The following MXI1 variants were observed in gnomAD, a reference collection of about 807,000 sequenced individuals.
The protein encoded by MXI1 is max-interacting protein 1.
A neutral mutation model predicts 36.9 loss-of-function variants in MXI1; 18 were observed. The observed-to-expected ratio is 0.49, with a 90% confidence interval of 0.34 to 0.72. MXI1 has a LOEUF of 0.72. Among genes scored for constraint, MXI1 ranks in the 30% least tolerant of loss-of-function variants. The probability of loss-of-function intolerance (pLI) is 0.01; values close to 1 mark genes in which losing one functional copy is unlikely to be tolerated. For synonymous variants in MXI1, 160 were observed against 146.7 expected, an observed-to-expected ratio of 1.09 and a Z score of -0.65; for missense variants, 304 against 379.1, an observed-to-expected ratio of 0.80 and a Z score of 1.64.
chr10:110,257,705 A>G (rs1177055825), intron 3 of MXI1: 1 of 190,246 alleles, frequency 5.3e-6, no homozygotes, highest in Non-Finnish European at 1.1e-5. Context: ...AAGGAAAATG[A>G]TCAGAAAAAT....
At chr10:110,277,714 A>G (rs1857084531) in intron 3 of MXI1, among the ~76,000 whole-genome samples, 1 of 152,218 alleles carries the variant, frequency 6.6e-6, no homozygotes, top group African/African-American at 2.4e-5. Context: ...ACTGAACTCA[A>G]TAAAGAAATT....
chr10:110,210,133 C>A, intron 1 of MXI1: 1 of 456,600 alleles, frequency 2.2e-6, no homozygotes, highest in Non-Finnish European at 2.9e-6. Flanking sequence ...AAGCAGAGAG[C>A]CGGGCGCGCC....
intron 2 of MXI1, among the ~76,000 whole-genome samples, chr10:110,236,537 C>G (rs757133534): frequency 6.6e-6 from 1 of 152,050 alleles, no homozygotes; most frequent in Non-Finnish European, 1.5e-5. Flanking sequence ...CCCACTGCAG[C>G]CTTAACCTTC....
chr10:110,217,040 C>G (rs1195694687), intron 1 of MXI1, among the ~76,000 whole-genome samples: 1 of 151,806 alleles, frequency 6.6e-6, no homozygotes, highest in Non-Finnish European at 1.5e-5. Context: ...ACTGCCTGAG[C>G]TTAGGAAACT....
At chr10:110,229,518 GA>G (rs1202082385) in intron 2 of MXI1, among the ~76,000 whole-genome samples, 12 of 152,156 alleles carry the variant, frequency 7.9e-5, no homozygotes, top group Non-Finnish European at 1.3e-4. Flanking sequence ...CATCACCGAG[GA>G]AAAACTAGGA....
intron 5 of MXI1, among the ~76,000 whole-genome samples, chr10:110,283,295 G>A (rs925148366): frequency 4.1e-5 from 6 of 147,098 alleles, no homozygotes; most frequent in East Asian, 2.0e-4. Flanking sequence ...AGAGTGTCTC[G>A]CTCTGTCGCC....
chr10:110,271,499 T>C (rs1856851630), intron 3 of MXI1, among the ~76,000 whole-genome samples: 1 of 152,094 alleles, frequency 6.6e-6, no homozygotes, highest in Non-Finnish European at 1.5e-5. Context: ...GAGGAAGGAG[T>C]ATGGCAAGGA....
chr10:110,268,982 A>G (rs1856772829), intron 3 of MXI1, among the ~76,000 whole-genome samples: 1 of 152,204 alleles, frequency 6.6e-6, no homozygotes, highest in African/African-American at 2.4e-5. Context: ...CTGGCCAACA[A>G]TTCCTCTTTG....
At chr10:110,227,997 T>C (rs113138616) in intron 1 of MXI1, 192 bp from the exon 2 acceptor site, 38,946 of 604,950 alleles carry the variant, frequency 0.064, 1,772 homozygotes, top group Middle Eastern at 0.14. Context: ...TCAAAACACC[T>C]TCCAGCTGGT....
intron 1 of MXI1, among the ~76,000 whole-genome samples, chr10:110,210,843 C>G (rs1854494220): frequency 6.6e-6 from 1 of 152,204 alleles, no homozygotes; most frequent in African/African-American, 2.4e-5. Context: ...GTCGTGCGTG[C>G]GCCCGGCTCG....
intron 1 of MXI1, among the ~76,000 whole-genome samples, chr10:110,212,878 C>T (rs924617329): frequency 1.3e-5 from 2 of 152,158 alleles, no homozygotes; most frequent in Non-Finnish European, 2.9e-5. Flanking sequence ...TTAGCTTTAC[C>T]TTTACAAGGA....
intron 3 of MXI1, among the ~76,000 whole-genome samples, chr10:110,270,744 A>G (rs1489532968): frequency 6.6e-6 from 1 of 152,066 alleles, no homozygotes; most frequent in Non-Finnish European, 1.5e-5. Context: ...ATACTTTGAT[A>G]AAGTCATTCT....
chr10:110,236,921 G>A (rs1041829631), intron 2 of MXI1, among the ~76,000 whole-genome samples: 1 of 151,998 alleles, frequency 6.6e-6, no homozygotes, highest in African/African-American at 2.4e-5. Flanking sequence ...TAATAGACAT[G>A]GTATGTCTAT....
chr10:110,240,163 C>G (rs145908721), intron 2 of MXI1, among the ~76,000 whole-genome samples: 1,641 of 152,048 alleles, frequency 0.011, 15 homozygotes, highest in South Asian at 0.028. Context: ...ACAATTTATC[C>G]ATTCTACTAT....
rs780324015 is a variant in MXI1 at position 110,208,081 on chromosome 10, A to C, written c.273A>C (p.Lys91Asn). The C allele has an allele frequency of 6.3e-7, 1 of 1,584,244 alleles. No homozygotes were observed. The highest frequency in any genetic ancestry group is 2.4e-5 in the East Asian group (1 of 41,190). The change falls in exon 1 of 6, where the codon AAA (lysine) becomes AAC (asparagine). Residue 91 changes from lysine to asparagine, a missense_variant and splice_region_variant. Physicochemically the swap from Lys to Asn is moderately conservative, Grantham distance 94 (BLOSUM62 0). Coordinates refer to ENST00000332674, the MANE Select transcript of MXI1 (RefSeq NM_130439.3). ...TGGAGCAGATCGAGAAAGAAAACAA[A>C]AGTAAGTTTGGGGGCCCCTGCTCTT... ...SYLEQIEKEN[K>N]KCEHGYASSF...
At chr10:110,256,091 C>T (rs556156029) in intron 3 of MXI1, among the ~76,000 whole-genome samples, 77 of 152,302 alleles carry the variant, frequency 5.1e-4, no homozygotes, top group Non-Finnish European at 6.5e-4. Flanking sequence ...GCGGACACAA[C>T]TGGATACCTA....
chr10:110,214,343 T>C (rs1269205263), intron 1 of MXI1, among the ~76,000 whole-genome samples: 1 of 152,166 alleles, frequency 6.6e-6, no homozygotes, highest in Non-Finnish European at 1.5e-5. Flanking sequence ...AGGCTTTTTT[T>C]CTTTTTTTGT....
chr10:110,257,573 A>T (rs1489690179), intron 3 of MXI1: 1 of 153,694 alleles, frequency 6.5e-6, no homozygotes, highest in Admixed American at 6.5e-5. Flanking sequence ...GGCCTCCCAG[A>T]GTGCTGGGAT....
At chr10:110,267,950 G>C (rs1444339760) in intron 3 of MXI1, among the ~76,000 whole-genome samples, 1 of 152,124 alleles carries the variant, frequency 6.6e-6, no homozygotes, top group African/African-American at 2.4e-5. Context: ...AACAGTTGTT[G>C]GTGATCCTGA....
Sources: gnomAD v4.1 joint callset for allele counts (sites outside exome capture counted in the v4.1 genomes callset) on GRCh38, gnomAD v4.1.1 for gene constraint, MANE v1.5 for transcripts, NCBI Gene and HGNC (gene_info 2026-07-23, HGNC 2026-07-21) for gene names.